The following C1QTNF7 variants were observed in gnomAD, a reference collection of about 807,000 sequenced individuals.
C1QTNF7 encodes the protein C1q and TNF related 7.
In C1QTNF7, 15 loss-of-function variants were observed where a neutral mutation model predicts 19.6. The observed-to-expected ratio is 0.76, with a 90% CI of 0.51 to 1.18. The LOEUF is 1.18. C1QTNF7 is among the 50% of genes most tolerant of loss of function. The probability of loss-of-function intolerance (pLI) is 0.00; values close to 1 mark genes in which losing one functional copy is unlikely to be tolerated. For missense variants in C1QTNF7, 324 were observed against 359.7 expected (o/e 0.90, Z 0.80); for synonymous variants, 142 against 137.5 (o/e 1.03, Z -0.23).
At position 15,428,038 on chromosome 4, in the gene C1QTNF7, G is replaced by C; in HGVS notation, c.-77G>C. On this transcript the variant is annotated 5_prime_UTR_variant, in exon 1 of 3. Transcript: ENST00000444304. ...GGTACCAAAGCAAGTTTTTCACTGA[G>C]CTCTCATGAAAGATCCTCAGTCTCT... The C allele has an allele frequency of 2.0e-6, 2 of 985,396 alleles. No individual in the cohort carries two copies. Among genetic ancestry groups the C allele is most frequent in the Non-Finnish European group, 2.4e-6 (2 of 829,922 alleles). 61.0% of individuals were successfully genotyped at this position (985,396 alleles called of 1,614,324 possible).
At chr4:15,440,347 G>A (rs757370750) in intron 2 of C1QTNF7, among the ~76,000 whole-genome samples, 5 of 151,640 alleles carry the variant, frequency 3.3e-5, no homozygotes, top group East Asian at 1.9e-4. Context: ...TTAATGAACC[G>A]GAAACATCAT....
intron 1 of C1QTNF7, among the ~76,000 whole-genome samples, chr4:15,342,295 C>G (rs2109277819): frequency 6.6e-6 from 1 of 152,212 alleles, no homozygotes; most frequent in African/African-American, 2.4e-5. Flanking sequence ...TGGGTGTCAG[C>G]CAGGCTTAGT....
intron 1 of C1QTNF7, among the ~76,000 whole-genome samples, chr4:15,430,695 A>AG (rs1712265079): frequency 2.6e-5 from 4 of 152,230 alleles, no homozygotes; most frequent in Admixed American, 2.6e-4. Context: ...ATTTATTCCC[A>AG]GTCAAAATAA....
At position 15,353,512 on chromosome 4, in the gene C1QTNF7, T is replaced by C. The variant is rs149993893; in HGVS notation, c.13+13305T>C. 4.1e-4 allele frequency among the ~76,000 whole-genome samples: 63 copies of C among 152,310 alleles called. No homozygotes were observed. In the East Asian group the frequency reaches 0.012, roughly 29 times the overall value. On this transcript the variant is annotated intron_variant, in intron 1 of 2. Transcript: ENST00000295297. ...ACAAATACCTCAAATAGAGCTTGTG[T>C]ATCAGACCAAATCGGTCCAGGGAGC...
chr4:15,369,268 A>G (rs553467995), intron 1 of C1QTNF7, among the ~76,000 whole-genome samples: 1 of 152,344 alleles, frequency 6.6e-6, no homozygotes, highest in South Asian at 2.1e-4. Flanking sequence ...AGAATTAGGG[A>G]GAGGCAAGTC....
chr4:15,410,179 G>A (rs1224159894), intron 1 of C1QTNF7, among the ~76,000 whole-genome samples: 3 of 152,124 alleles, frequency 2.0e-5, no homozygotes, highest in Non-Finnish European at 4.4e-5. Flanking sequence ...AATTTTCTTA[G>A]ACATCTTCCA....
intron 1 of C1QTNF7, among the ~76,000 whole-genome samples, chr4:15,345,521 A>G (rs1369237988): frequency 6.6e-6 from 1 of 152,194 alleles, no homozygotes; most frequent in African/African-American, 2.4e-5. Flanking sequence ...TGGGCTTGGA[A>G]TTTCTGAAAA....
chr4:15,369,097 G>A (rs1434072831), intron 1 of C1QTNF7, among the ~76,000 whole-genome samples: 1 of 152,244 alleles, frequency 6.6e-6, no homozygotes, highest in African/African-American at 2.4e-5. Context: ...ACATGTCATA[G>A]TGTTCATTTC....
chr4:15,411,666 C>G (rs1719407667), intron 1 of C1QTNF7, among the ~76,000 whole-genome samples: 1 of 152,196 alleles, frequency 6.6e-6, no homozygotes, highest in South Asian at 2.1e-4. Context: ...TTGTTGCCTA[C>G]AGCCCTGGCA....
intron 1 of C1QTNF7, among the ~76,000 whole-genome samples, chr4:15,399,512 C>G (rs1244891792): frequency 6.6e-6 from 1 of 152,182 alleles, no homozygotes; most frequent in Non-Finnish European, 1.5e-5. Flanking sequence ...GCCTTGATTT[C>G]CTCCAGTTAG....
intron 1 of C1QTNF7, among the ~76,000 whole-genome samples, chr4:15,360,215 T>C (rs1412596552): frequency 4.4e-5 from 5 of 113,572 alleles, no homozygotes; most frequent in Non-Finnish European, 6.8e-5. Context: ...TTGGGTTCTA[T>C]GGGTAAACTA....
In C1QTNF7 at chr4:15,374,790, C is replaced by A; in HGVS notation, c.13+34583C>A. 3 of 942,438 alleles carry A rather than the reference C, an allele frequency of 3.2e-6. No individual in the cohort carries two copies. The South Asian group carries it at 1.5e-4, about 47-fold the overall frequency. The allele number at this position is 942,438 out of a possible 1,614,324, so 58.4% of individuals were successfully genotyped here. A position where few individuals can be genotyped will look rare whatever the true frequency, so the allele number is the denominator to read the frequency against. On this transcript the variant is annotated intron_variant, in intron 1 of 2. Coordinates refer to the C1QTNF7 transcript ENST00000295297. ...GCAATGTAAGTAAACAGCCCTCTCT[C>A]CATTGATAAACGTCTTCAGGCTTTT...
At chr4:15,435,373 T>C (rs1376967896) in intron 1 of C1QTNF7, among the ~76,000 whole-genome samples, 2 of 152,242 alleles carry the variant, frequency 1.3e-5, no homozygotes, top group Non-Finnish European at 2.9e-5. Flanking sequence ...GTTTATCTTT[T>C]TCATTTCCAG....
rs1398098588 is a variant in C1QTNF7 at position 15,444,331 on chromosome 4, T to G, written c.*1532T>G. 2 of 152,130 alleles carry G rather than the reference T, an allele frequency of 1.3e-5. No individual in the cohort carries two copies. The highest frequency in any genetic ancestry group is 4.8e-5 in the African/African-American group (2 of 41,418). The allele number at this position is 152,130 out of a possible 1,614,324, so 9.4% of individuals were successfully genotyped here. Reference sequence around the variant, plus strand: ...TCTTCCCCAATTTAAATTTTTTAATTTAAAAGTAAATTTTACTGTCGAAAA... The same window carrying G: ...TCTTCCCCAATTTAAATTTTTTAATGTAAAAGTAAATTTTACTGTCGAAAA... On this transcript the variant is annotated 3_prime_UTR_variant, in exon 3 of 3. Transcript: ENST00000444304.
chr4:15,406,442 C>T (rs1046330699), intron 1 of C1QTNF7, among the ~76,000 whole-genome samples: 18 of 152,118 alleles, frequency 1.2e-4, no homozygotes, highest in African/African-American at 3.6e-4. Context: ...TATGTGTGCT[C>T]GCTGCTCTCA....
upstream of C1QTNF7, among the ~76,000 whole-genome samples, chr4:15,427,112 T>TA (rs1712085686): frequency 6.6e-6 from 1 of 152,092 alleles, no homozygotes; most frequent in Non-Finnish European, 1.5e-5. Flanking sequence ...AAGGCAAAAT[T>TA]AAGCTGGTCA....
chr4:15,434,876 G>A (rs956882703), intron 1 of C1QTNF7, among the ~76,000 whole-genome samples: 1 of 152,096 alleles, frequency 6.6e-6, no homozygotes, highest in Non-Finnish European at 1.5e-5. Context: ...GGGACACCAC[G>A]ACATTATATC....
At chr4:15,433,103 T>TAGGGA in intron 1 of C1QTNF7, among the ~76,000 whole-genome samples, 1 of 152,134 alleles carries the variant, frequency 6.6e-6, no homozygotes, top group Non-Finnish European at 1.5e-5. Flanking sequence ...TTCAGGTCCC[T>TAGGGA]CCTGAAAGCA....
rs1347071846 is a variant in C1QTNF7, at chr4:15,406,603, G to A, written c.14-29133G>A. The stretch of plus-strand genomic sequence containing the variant: ...AAAATGATGCACAAAGAGTTCACTA[G>A]AGGGATGCCTATTACAATGTTACTG... On this transcript the variant is annotated intron_variant, in intron 1 of 2. Transcript: ENST00000295297. 2.0e-5 allele frequency among the ~76,000 whole-genome samples: 3 copies of A among 152,154 alleles called. No homozygotes were observed. In the East Asian group the frequency reaches 5.8e-4, roughly 29 times the overall value.
Sources: gnomAD v4.1 joint callset for allele counts (sites outside exome capture counted in the v4.1 genomes callset) on GRCh38, gnomAD v4.1.1 for gene constraint, MANE v1.5 for transcripts, NCBI Gene and HGNC (gene_info 2026-07-23, HGNC 2026-07-21) for gene names.